Variants in STK10 observed in about 807,000 individuals in gnomAD.
STK10 encodes the protein serine/threonine-protein kinase 10.
Under a neutral mutation model 113.8 loss-of-function variants are expected in STK10, and 78 were observed. That is an observed-to-expected ratio of 0.69 (90% CI 0.57 to 0.83). The LOEUF (loss-of-function observed/expected upper bound fraction) is 0.83, where lower values mean the gene tolerates loss of function less well. Among genes scored for constraint, STK10 ranks in the 40% least tolerant of loss-of-function variants. STK10 has a pLI of 0.00. For missense variants in STK10, 1,109 were observed against 1,280.1 expected (o/e 0.87, Z 2.04); for synonymous variants, 465 against 494.7 (o/e 0.94, Z 0.80).
chr5:172,186,108 T>C (rs1437563510), intron 1 of STK10, among the ~76,000 whole-genome samples: 5 of 151,890 alleles, frequency 3.3e-5, no homozygotes, highest in African/African-American at 1.2e-4. Context: ...ACCCCGTCTC[T>C]ACTAAAAAAA....
At chr5:172,186,777 C>T (rs1417610674) in intron 1 of STK10, among the ~76,000 whole-genome samples, 32 of 152,152 alleles carry the variant, frequency 2.1e-4, no homozygotes, top group Admixed American at 2.1e-3. Flanking sequence ...TCACTTCTGA[C>T]AAGCTCCCAA....
intron 5 of STK10, among the ~76,000 whole-genome samples, chr5:172,107,505 T>A (rs536320374): frequency 6.6e-6 from 1 of 152,358 alleles, no homozygotes; most frequent in African/African-American, 2.4e-5. Context: ...TGGATTCTAG[T>A]TCAGTTATTA....
Position 172,117,472 on chromosome 5 carries a change from G to T in STK10, c.520+9C>A. ...TGTGGCTCCACCTTTCCCACCCTGA[G>T]CCCCTTACCCAGCCTGATGTCTCCC... On this transcript the variant is annotated intron_variant, in intron 4 of 18. Coordinates refer to ENST00000176763, the MANE Select transcript of STK10 (RefSeq NM_005990.4). 1 of 1,609,432 alleles carries T rather than the reference G, an allele frequency of 6.2e-7. No individual in the cohort carries two copies. Among genetic ancestry groups the T allele is most frequent in the Non-Finnish European group, 8.5e-7 (1 of 1,179,796 alleles).
intron 2 of STK10, among the ~76,000 whole-genome samples, chr5:172,136,039 T>TAAAC (rs954119890): frequency 7.4e-6 from 1 of 135,592 alleles, no homozygotes. Context: ...AATAAATAAA[T>TAAAC]AAACAAACAA....
At chr5:172,135,657 A>G (rs761051825) in intron 2 of STK10, among the ~76,000 whole-genome samples, 1 of 152,250 alleles carries the variant, frequency 6.6e-6, no homozygotes, top group Non-Finnish European at 1.5e-5. Flanking sequence ...ACGTAGCATT[A>G]CTATTGATCC....
At chr5:172,178,075 A>G (rs991432384) in intron 1 of STK10, among the ~76,000 whole-genome samples, 3 of 152,072 alleles carry the variant, frequency 2.0e-5, no homozygotes, top group African/African-American at 7.2e-5. Flanking sequence ...TGATCCACCC[A>G]CCTCGGCCTC....
At chr5:172,091,487 C>CCACT (rs1561803660) in intron 9 of STK10, among the ~76,000 whole-genome samples, 154 of 151,702 alleles carry the variant, frequency 1.0e-3, no homozygotes, top group African/African-American at 3.5e-3. Flanking sequence ...ATAACCCTCC[C>CCACT]GCTCTGCCCA....
intron 14 of STK10, among the ~76,000 whole-genome samples, chr5:172,059,028 C>T (rs915411588): frequency 1.3e-5 from 2 of 151,150 alleles, no homozygotes; most frequent in Non-Finnish European, 2.9e-5. Flanking sequence ...TTGAGACCAT[C>T]CTGGCTAACA....
chr5:172,166,088 C>T (rs185104613), intron 1 of STK10, among the ~76,000 whole-genome samples: 24 of 152,300 alleles, frequency 1.6e-4, no homozygotes, highest in Admixed American at 2.6e-4. Context: ...CCACTGCGCT[C>T]GGCCAGTTGT....
intron 2 of STK10, among the ~76,000 whole-genome samples, chr5:172,145,499 G>A (rs894711165): frequency 5.3e-5 from 8 of 152,230 alleles, no homozygotes; most frequent in Non-Finnish European, 8.8e-5. Flanking sequence ...GCGCTGGCCC[G>A]CTCAGAGCCT....
At position 172,093,958 on chromosome 5, in the gene STK10, G is replaced by C; in HGVS notation, c.1008C>G (p.Thr336=). The change falls in exon 9 of 19, where the codon ACC becomes ACG. Residue 336 remains threonine (T), a splice_region_variant and synonymous_variant. Coordinates refer to ENST00000176763, the MANE Select transcript of STK10 (RefSeq NM_005990.4). The surrounding 1 kb of genome is among the most constrained non-coding windows in gnomAD (Gnocchi z 4.1). The part of the protein sequence containing the change: ...EEEDAVDAAS[T]LENHTQNSSE... Reference sequence around the variant, plus strand: ...AGGAGTTCTGAGTATGGTTCTCCAGGGTCTAGAAAAATATATATATATATA... The same window carrying C: ...AGGAGTTCTGAGTATGGTTCTCCAGCGTCTAGAAAAATATATATATATATA... The C allele has an allele frequency of 6.8e-7, 1 of 1,473,238 alleles. No homozygotes were observed. Among genetic ancestry groups the C allele is most frequent in the South Asian group, 1.6e-5 (1 of 63,652 alleles). 91.3% of individuals were successfully genotyped at this position (1,473,238 alleles called of 1,614,324 possible). A position where few individuals can be genotyped will look rare whatever the true frequency, so the allele number is the denominator to read the frequency against.
intron 8 of STK10, among the ~76,000 whole-genome samples, chr5:172,095,718 C>T (rs956579697): frequency 6.6e-6 from 1 of 152,242 alleles, no homozygotes; most frequent in Non-Finnish European, 1.5e-5. Context: ...GTGCCGTCCA[C>T]AGCACAAGGA....
At chr5:172,099,889 G>A (rs1164412901) in intron 7 of STK10, among the ~76,000 whole-genome samples, 1 of 152,234 alleles carries the variant, frequency 6.6e-6, no homozygotes, top group East Asian at 1.9e-4. Flanking sequence ...AGCACGGCCA[G>A]GAACTCTGCT....
chr5:172,107,926 G>A lies in STK10; in HGVS notation c.521-74C>T, dbSNP rs183123424. ...AAAAGCCGGGGATGTGGACTCAGGG[G>A]TACACATTCCAAGTCGACTAACAGA... On this transcript the variant is annotated intron_variant, in intron 4 of 18. Coordinates refer to ENST00000176763, the MANE Select transcript of STK10 (RefSeq NM_005990.4). 962 of 1,321,608 alleles carry A rather than the reference G, an allele frequency of 7.3e-4. 3 individuals carry two copies. The highest frequency in any genetic ancestry group is 2.8e-3 in the Middle Eastern group (15 of 5,422). The allele number at this position is 1,321,608 out of a possible 1,614,324, so 81.9% of individuals were successfully genotyped here.
In STK10 at chr5:172,082,516, C is replaced by A; in HGVS notation, c.1810-11G>T. The A allele has an allele frequency of 1.3e-6, 2 of 1,563,822 alleles. No individual in the cohort carries two copies. Among genetic ancestry groups the A allele is most frequent in the South Asian group, 1.2e-5 (1 of 83,904 alleles). ...GAACTTCTTCTTGGCCTGAAAGGAG[C>A]AGAAATTCTGAGAAACTTAGCGAAG... On this transcript the variant is annotated splice_polypyrimidine_tract_variant and intron_variant, in intron 11 of 18. Transcript: ENST00000176763. The surrounding 1 kb of genome is among the most constrained non-coding windows in gnomAD (Gnocchi z 4.3).
Position 172,107,794 on chromosome 5 carries a change from G to A in STK10, c.579C>T (p.Ile193=), listed in dbSNP as rs765515526. 6.8e-6 allele frequency: 11 copies of A among 1,613,964 alleles called. No individual in the cohort carries two copies. The highest frequency in any genetic ancestry group is 2.2e-5 in the East Asian group (1 of 44,898). The change falls in exon 5 of 19, where the codon ATC becomes ATT. Residue 193 remains isoleucine (I), a synonymous_variant. Transcript: ENST00000176763. Reference sequence around the variant, plus strand: ...ACACGACTCACCAGTAAGGCGTGCCGATGAAGGAATCTCGTTTCTGTAGAG... The same window carrying A: ...ACACGACTCACCAGTAAGGCGTGCCAATGAAGGAATCTCGTTTCTGTAGAG... ...LKTLQKRDSF[I]GTPYWMAPEV...
chr5:172,111,769 T>C (rs1769242887), intron 4 of STK10, among the ~76,000 whole-genome samples: 2 of 152,248 alleles, frequency 1.3e-5, no homozygotes, highest in South Asian at 2.1e-4. Context: ...GTGGCCACAG[T>C]TGTATCCCTG....
In STK10 at chr5:172,087,107, A is replaced by AGTGTGTGTGTGTGTGTGTGTGT. The variant is rs201052929; in HGVS notation, c.1685+3103_1685+3124dup. ...CCTCCCGACCCACACAGATGACACCAGTGTGTGTGTGTGTGTGTGTGTGTG... is the reference window on the plus strand; with the variant it reads ...CCTCCCGACCCACACAGATGACACCAGTGTGTGTGTGTGTGTGTGTGTGTGTGTGTGTGTGTGTGTGTGTGTG... On this transcript the variant is annotated intron_variant, in intron 10 of 18. Transcript: ENST00000176763. Among the ~76,000 whole-genome samples, 626 of 128,920 alleles carry AGTGTGTGTGTGTGTGTGTGTGT rather than the reference A, an allele frequency of 4.9e-3. 6 individuals carry two copies. The highest frequency in any genetic ancestry group is 8.0e-3 in the African/African-American group (271 of 33,872). 84.6% of individuals were successfully genotyped at this position (128,920 alleles called of 152,430 possible).
chr5:172,118,111 A>G (rs1374827196), intron 3 of STK10, among the ~76,000 whole-genome samples: 1 of 151,918 alleles, frequency 6.6e-6, no homozygotes, highest in Non-Finnish European at 1.5e-5. Flanking sequence ...TTTTGTCTTC[A>G]TAACAGTCCT....
Sources: allele counts gnomAD v4.1 joint callset (sites outside exome capture counted in the v4.1 genomes callset), GRCh38; gene constraint gnomAD v4.1.1; non-coding constraint Gnocchi (gnomAD v3.1); transcripts MANE v1.5; gene names NCBI Gene and HGNC (gene_info 2026-07-23, HGNC 2026-07-21).